MAGI2: variants seen among roughly 807,000 people sequenced by gnomAD.
MAGI2 encodes the protein membrane-associated guanylate kinase, WW and PDZ domain-containing protein 2.
Under a neutral mutation model 133.3 loss-of-function variants are expected in MAGI2, and 35 were observed. The ratio of observed to expected loss-of-function variants is 0.26; its 90% CI spans 0.20 to 0.35. The LOEUF is 0.35. Among genes scored for constraint, MAGI2 ranks in the 10% least tolerant of loss-of-function variants. The pLI, the probability that MAGI2 is intolerant of heterozygous loss-of-function variation, is 1.00. For synonymous variants in MAGI2, 729 were observed against 710.6 expected (o/e 1.03, Z -0.41); for missense variants, 1,636 against 1,863.4 (o/e 0.88, Z 2.25).
chr7:78,402,430 G>C (rs1454725509), intron 6 of MAGI2, among the ~76,000 whole-genome samples: 1 of 151,910 alleles, frequency 6.6e-6, no homozygotes, highest in African/African-American at 2.4e-5. Context: ...CCTGGGGTAT[G>C]CATGTGTGTG....
chr7:78,156,689 C>T (rs1824418620), intron 16 of MAGI2, among the ~76,000 whole-genome samples: 1 of 151,846 alleles, frequency 6.6e-6, no homozygotes, highest in Non-Finnish European at 1.5e-5. Context: ...TGTTTCAAGT[C>T]CAGATAGGAT....
At position 78,129,901 on chromosome 7, in the gene MAGI2, C is replaced by T. The variant is rs372661298; in HGVS notation, c.3204-2485G>A. Among the ~76,000 whole-genome samples, 19 of 139,998 alleles carry T rather than the reference C, an allele frequency of 1.4e-4. No homozygotes were observed. In the East Asian group the frequency reaches 4.0e-3, roughly 29 times the overall value. 91.8% of individuals were successfully genotyped at this position (139,998 alleles called of 152,430 possible). The stretch of plus-strand genomic sequence containing the variant: ...GGTGAGCCGAGATTGCACCGTTGCA[C>T]TCCAGCCTGGGCAACAAGAGGGAAA... On this transcript the variant is annotated intron_variant, in intron 18 of 21. Coordinates refer to ENST00000354212, the MANE Select transcript of MAGI2 (RefSeq NM_012301.4).
At chr7:78,846,731 A>T (rs1003237513) in intron 2 of MAGI2, among the ~76,000 whole-genome samples, 3 of 152,024 alleles carry the variant, frequency 2.0e-5, no homozygotes, top group Non-Finnish European at 4.4e-5. Context: ...TATAATTTAC[A>T]AGATGGTCTC....
chr7:78,302,237 G>T (rs1169321724), intron 9 of MAGI2, among the ~76,000 whole-genome samples: 2 of 152,040 alleles, frequency 1.3e-5, no homozygotes, highest in Non-Finnish European at 2.9e-5. Context: ...TTCTTATTCA[G>T]TCATATGCCA....
chr7:78,531,000 G>A (rs1192409895), intron 3 of MAGI2, among the ~76,000 whole-genome samples: 2 of 152,122 alleles, frequency 1.3e-5, no homozygotes, highest in East Asian at 1.9e-4. Context: ...TCACAGTGGA[G>A]GTGTTATCCT....
At chr7:79,352,095 A>G (rs565924084) in intron 1 of MAGI2, among the ~76,000 whole-genome samples, 1 of 152,170 alleles carries the variant, frequency 6.6e-6, no homozygotes, top group African/African-American at 2.4e-5. Context: ...GAATTCACCT[A>G]TTGGTAAAGA....
At chr7:78,100,918 T>G (rs1049890864) in intron 20 of MAGI2, among the ~76,000 whole-genome samples, 3 of 152,146 alleles carry the variant, frequency 2.0e-5, no homozygotes, top group Non-Finnish European at 4.4e-5. Flanking sequence ...CAATGTTATA[T>G]CTGAGAAGAA....
chr7:78,597,826 A>G (rs999288600), intron 3 of MAGI2, among the ~76,000 whole-genome samples: 5 of 150,624 alleles, frequency 3.3e-5, no homozygotes, highest in South Asian at 2.1e-4. Flanking sequence ...CTTCAATCCG[A>G]TATTTCCAGA....
At chr7:78,748,076 A>T (rs1352947122) in intron 2 of MAGI2, among the ~76,000 whole-genome samples, 1 of 152,164 alleles carries the variant, frequency 6.6e-6, no homozygotes, top group Non-Finnish European at 1.5e-5. Flanking sequence ...CCAGCTTCAC[A>T]AAAGAGACCA....
intron 10 of MAGI2, among the ~76,000 whole-genome samples, chr7:78,212,279 A>C (rs1016935642): frequency 1.3e-5 from 2 of 152,102 alleles, no homozygotes; most frequent in Non-Finnish European, 2.9e-5. Flanking sequence ...GCTACTTTAC[A>C]AGGCAAAAGA....
Position 78,555,200 on chromosome 7 carries a change from G to GGATAGATGGATA in MAGI2, c.539-33556_539-33555insTATCCATCTATC, listed in dbSNP as rs1554472439. On this transcript the variant is annotated intron_variant, in intron 3 of 21. Coordinates refer to ENST00000354212, the MANE Select transcript of MAGI2 (RefSeq NM_012301.4). ...AATGATAGAGGACGGTTGGATGGAT[G>GGATAGATGGATA]GATAGATAGATAGATAGATAGACAG... is the stretch of plus-strand genomic sequence containing the variant. 4.3e-5 allele frequency among the ~76,000 whole-genome samples: 4 copies of GGATAGATGGATA among 92,714 alleles called. No homozygotes were observed. In the East Asian group the frequency reaches 9.3e-4, roughly 22 times the overall value. 60.8% of individuals were successfully genotyped at this position (92,714 alleles called of 152,430 possible).
chr7:78,536,747 G>T (rs55955390), intron 3 of MAGI2, among the ~76,000 whole-genome samples: 2,184 of 119,488 alleles, frequency 0.018, 22 homozygotes, highest in East Asian at 0.036. Context: ...TTTTTTTTTT[G>T]TTTTTGTTGT....
At chr7:79,294,609 G>A (rs1403363497) in intron 1 of MAGI2, among the ~76,000 whole-genome samples, 1 of 148,734 alleles carries the variant, frequency 6.7e-6, no homozygotes, top group Non-Finnish European at 1.5e-5. Context: ...TTGCTGAGGA[G>A]TTTATTCTTT....
chr7:79,328,626 C>T (rs953101593), intron 1 of MAGI2, among the ~76,000 whole-genome samples: 5 of 152,096 alleles, frequency 3.3e-5, no homozygotes, highest in African/African-American at 1.2e-4. Context: ...CATGCAAGCC[C>T]CTACTGCATA....
chr7:78,277,693 A>G (rs556344372), intron 9 of MAGI2, among the ~76,000 whole-genome samples: 4 of 152,202 alleles, frequency 2.6e-5, no homozygotes, highest in Non-Finnish European at 5.9e-5. Flanking sequence ...CAACGTGGCA[A>G]CAGTAGAACA....
At chr7:78,689,578 C>A (rs1021660295) in intron 2 of MAGI2, among the ~76,000 whole-genome samples, 1 of 151,970 alleles carries the variant, frequency 6.6e-6, no homozygotes, top group Admixed American at 6.6e-5. Flanking sequence ...CCCACATGAC[C>A]GTCAGGCAAC....
intron 10 of MAGI2, among the ~76,000 whole-genome samples, chr7:78,243,269 ACTCT>A (rs60322546): frequency 0.047 from 2,966 of 62,656 alleles, 43 homozygotes; most frequent in East Asian, 0.12. Flanking sequence ...ACACACACAC[ACTCT>A]CTCTCTCTCT....
intron 9 of MAGI2, among the ~76,000 whole-genome samples, chr7:78,333,301 C>T (rs1303040843): frequency 6.6e-6 from 1 of 152,126 alleles, no homozygotes; most frequent in East Asian, 1.9e-4. Flanking sequence ...AGGCAGAGTG[C>T]CCATAAAAGT....
intron 2 of MAGI2, among the ~76,000 whole-genome samples, chr7:78,867,968 C>A (rs575618262): frequency 1.0e-4 from 15 of 150,024 alleles, no homozygotes; most frequent in Admixed American, 8.6e-4. Context: ...GGGGGACCAA[C>A]GAAGAGTGAA....
Sources: allele counts gnomAD v4.1 joint callset (sites outside exome capture counted in the v4.1 genomes callset), GRCh38; gene constraint gnomAD v4.1.1; transcripts MANE v1.5; gene names NCBI Gene and HGNC (gene_info 2026-07-23, HGNC 2026-07-21).